Variants in PDE1C observed in about 807,000 individuals in gnomAD.
PDE1C encodes the protein dual specificity calcium/calmodulin-dependent 3',5'-cyclic nucleotide phosphodiesterase 1C.
A neutral mutation model predicts 93.1 loss-of-function variants in PDE1C; 62 were observed. That is an observed-to-expected ratio of 0.67 (90% confidence interval 0.54 to 0.82). PDE1C has a LOEUF of 0.82. Among genes scored for constraint, PDE1C ranks in the 40% least tolerant of loss-of-function variants. The pLI is 0.00. For synonymous variants in PDE1C, 325 were observed against 310.1 expected (o/e 1.05, Z -0.50); for missense variants, 742 against 884.6 (o/e 0.84, Z 2.04).
chr7:32,298,002 CT>C lies in PDE1C; in HGVS notation c.85+648del, dbSNP rs1183246534. Among the ~76,000 whole-genome samples, 18 of 40,328 alleles carry C rather than the reference CT, an allele frequency of 4.5e-4. 1 individual carries two copies. Among genetic ancestry groups the C allele is most frequent in the East Asian group, 2.7e-3 (2 of 730 alleles). 26.5% of individuals were successfully genotyped at this position (40,328 alleles called of 152,430 possible). A position where few individuals can be genotyped will look rare whatever the true frequency, so the allele number is the denominator to read the frequency against. On this transcript the variant is annotated intron_variant, in intron 1 of 18. Coordinates refer to the PDE1C transcript ENST00000396193. ...CTCTCTCTCTCTCTCTCTCTCCTCTCTCTCTCTCTCTCTCCCTCTCTCTCTC... is the reference window on the plus strand; with the variant it reads ...CTCTCTCTCTCTCTCTCTCTCCTCTCCTCTCTCTCTCTCCCTCTCTCTCTC...
intron 2 of PDE1C, among the ~76,000 whole-genome samples, chr7:31,996,249 CAA>C (rs956560080): frequency 1.4e-4 from 21 of 152,198 alleles, no homozygotes; most frequent in African/African-American, 5.1e-4. Flanking sequence ...CTGGATGGAG[CAA>C]AGTTTTCCCA....
chr7:31,686,668 T>C, the PDE1C span: 2 of 152,176 alleles, frequency 1.3e-5, no homozygotes, highest in Non-Finnish European at 1.5e-5. Context: ...ATCAATAAAA[T>C]GGGATGATGA....
chr7:31,899,786 T>A (rs1223735096), intron 2 of PDE1C, among the ~76,000 whole-genome samples: 5 of 152,188 alleles, frequency 3.3e-5, no homozygotes, highest in Admixed American at 6.5e-5. Context: ...AGGCTTTCTT[T>A]AAACGGATCC....
At chr7:32,408,469 T>G (rs1317553560) in intron 1 of PDE1C, among the ~76,000 whole-genome samples, 4 of 152,176 alleles carry the variant, frequency 2.6e-5, no homozygotes, top group African/African-American at 9.7e-5. Context: ...ATCTGCATCC[T>G]GCTTAAACAT....
chr7:31,790,604 G>A (rs1448452814), intron 16 of PDE1C, among the ~76,000 whole-genome samples: 5 of 152,142 alleles, frequency 3.3e-5, no homozygotes, highest in Admixed American at 1.3e-4. Flanking sequence ...TGTCTCAAGG[G>A]TCAGTGGGAT....
intron 1 of PDE1C, among the ~76,000 whole-genome samples, chr7:32,241,678 G>A (rs1448214243): frequency 6.6e-6 from 1 of 152,230 alleles, no homozygotes; most frequent in Admixed American, 6.5e-5. Flanking sequence ...ATATATGCAT[G>A]TGGGTAAGAA....
intron 3 of PDE1C, among the ~76,000 whole-genome samples, chr7:32,126,201 C>A (rs1177174860): frequency 6.1e-5 from 9 of 146,890 alleles, no homozygotes; most frequent in South Asian, 2.2e-4. Flanking sequence ...ATCCACTATT[C>A]TAGATAGATA....
chr7:32,421,961 C>G (rs1785440509), intron 1 of PDE1C, among the ~76,000 whole-genome samples: 1 of 152,150 alleles, frequency 6.6e-6, no homozygotes, highest in African/African-American at 2.4e-5. Context: ...AGCAATGAAT[C>G]CAGTAACCGC....
intron 16 of PDE1C, among the ~76,000 whole-genome samples, chr7:31,797,682 C>T (rs1235221995): frequency 6.6e-6 from 1 of 151,564 alleles, no homozygotes; most frequent in Non-Finnish European, 1.5e-5. Context: ...TCTGGGCACA[C>T]CTTCAGAGGG....
intron 1 of PDE1C, among the ~76,000 whole-genome samples, chr7:32,361,100 C>A (rs1411823084): frequency 6.6e-6 from 1 of 152,186 alleles, no homozygotes; most frequent in Non-Finnish European, 1.5e-5. Flanking sequence ...AGACACCATG[C>A]AGGGCACCTT....
At chr7:31,748,315 T>C (rs1477484449), downstream of PDE1C, among the ~76,000 whole-genome samples, 1 of 147,576 alleles carries the variant, frequency 6.8e-6, no homozygotes, top group African/African-American at 2.5e-5. Flanking sequence ...ACCTAGTGAG[T>C]CATAAGAGAT....
At chr7:31,645,902 A>T in the PDE1C span, among the ~76,000 whole-genome samples, 28 of 152,240 alleles carry the variant, frequency 1.8e-4, no homozygotes, top group Admixed American at 6.5e-4. Flanking sequence ...CAGCTCTAAG[A>T]GAATAAACAT....
chr7:32,349,453 AG>A (rs1783917026), intron 1 of PDE1C, among the ~76,000 whole-genome samples: 1 of 152,214 alleles, frequency 6.6e-6, no homozygotes, highest in South Asian at 2.1e-4. Context: ...TGGTCCTAAA[AG>A]GGAGGTCCAA....
chr7:32,141,391 G>A (rs1800518186), intron 3 of PDE1C, among the ~76,000 whole-genome samples: 2 of 152,180 alleles, frequency 1.3e-5, no homozygotes, highest in South Asian at 4.2e-4. Flanking sequence ...TAACTTTAAA[G>A]TAGAGAAATT....
intron 1 of PDE1C, among the ~76,000 whole-genome samples, chr7:32,318,561 G>C (rs215624): frequency 0.76 from 115,513 of 151,666 alleles, 45,522 homozygotes; most frequent in Admixed American, 0.86. Flanking sequence ...GGACCCAGAA[G>C]AAGTGAAAGG....
In PDE1C at chr7:32,365,698, C is replaced by T. The variant is rs150838611; in HGVS notation, c.310+62124G>A. On this transcript the variant is annotated intron_variant, in intron 1 of 1. Transcript: ENST00000672256. Reference sequence around the variant, plus strand: ...AACAGATCTGTAGCCCCGACCCCAGCCTCAAGATGGTCAACCCACCATGTG... The same window carrying T: ...AACAGATCTGTAGCCCCGACCCCAGTCTCAAGATGGTCAACCCACCATGTG... 6.9e-4 allele frequency among the ~76,000 whole-genome samples: 105 copies of T among 152,260 alleles called. No individual in the cohort carries two copies. The Middle Eastern group carries it at 0.014, about 20-fold the overall frequency.
chr7:32,164,725 T>C (rs56138878), intron 3 of PDE1C, among the ~76,000 whole-genome samples: 22,672 of 152,222 alleles, frequency 0.15, 2,177 homozygotes, highest in Middle Eastern at 0.21. Flanking sequence ...TTACTTGTGG[T>C]ACCATCTGAG....
intron 7 of PDE1C, among the ~76,000 whole-genome samples, chr7:31,853,649 A>T (rs1793621068): frequency 6.6e-6 from 1 of 151,762 alleles, no homozygotes. Context: ...TTCAGGAAGG[A>T]TATTTGGACA....
At chr7:31,712,975 A>C in the PDE1C span, among the ~76,000 whole-genome samples, 3 of 152,176 alleles carry the variant, frequency 2.0e-5, no homozygotes. Flanking sequence ...GGGGGGACAC[A>C]GCCAAACCAT....
Sources: allele counts gnomAD v4.1 joint callset (sites outside exome capture counted in the v4.1 genomes callset), GRCh38; gene constraint gnomAD v4.1.1; transcripts MANE v1.5; gene names NCBI Gene and HGNC (gene_info 2026-07-23, HGNC 2026-07-21).